Variants in KCNIP4 observed in about 807,000 individuals in gnomAD.
KCNIP4 encodes the protein potassium voltage-gated channel interacting protein 4, also known as Kv channel-interacting protein 4.
Under a neutral mutation model 34.0 loss-of-function variants are expected in KCNIP4, and 12 were observed. The observed-to-expected ratio is 0.35, with a 90% CI of 0.23 to 0.57. The LOEUF (loss-of-function observed/expected upper bound fraction) is 0.57. Ranked by LOEUF, KCNIP4 falls within the 20% of genes least tolerant of loss-of-function variation. KCNIP4 has a pLI of 0.83. For synonymous variants in KCNIP4, 124 were observed against 102.2 expected, an observed-to-expected ratio of 1.21 and a Z score of -1.29; for missense variants, 238 against 311.7, an observed-to-expected ratio of 0.76 and a Z score of 1.78.
intron 1 of KCNIP4, among the ~76,000 whole-genome samples, chr4:21,152,571 T>G (rs1174024122): frequency 1.3e-5 from 2 of 152,022 alleles, no homozygotes; most frequent in African/African-American, 4.8e-5. Flanking sequence ...ATATACTGTA[T>G]AGGCTTGTCT....
At chr4:20,901,479 C>T (rs1384058963) in intron 1 of KCNIP4, among the ~76,000 whole-genome samples, 2 of 152,132 alleles carry the variant, frequency 1.3e-5, no homozygotes, top group Admixed American at 6.5e-5. Flanking sequence ...TTGTGAAAAG[C>T]ATTATCTACA....
chr4:20,973,613 G>A (rs553357930), intron 1 of KCNIP4, among the ~76,000 whole-genome samples: 1 of 152,336 alleles, frequency 6.6e-6, no homozygotes, highest in South Asian at 2.1e-4. Context: ...TGTTTGGCCA[G>A]TCTTGACTTT....
intron 1 of KCNIP4, among the ~76,000 whole-genome samples, chr4:21,313,460 A>G (rs1397892839): frequency 6.6e-6 from 1 of 152,246 alleles, no homozygotes; most frequent in Non-Finnish European, 1.5e-5. Flanking sequence ...TAGTTTAATT[A>G]CTAACAATTC....
chr4:21,684,266 T>G (rs893509541), intron 1 of KCNIP4, among the ~76,000 whole-genome samples: 7 of 152,318 alleles, frequency 4.6e-5, no homozygotes, highest in Non-Finnish European at 8.8e-5. Flanking sequence ...TGATTTCACA[T>G]TTCCCATGAC....
At chr4:21,099,613 TAA>T (rs1747764407) in intron 1 of KCNIP4, among the ~76,000 whole-genome samples, 1 of 151,984 alleles carries the variant, frequency 6.6e-6, no homozygotes, top group Non-Finnish European at 1.5e-5. Flanking sequence ...CCATGGAACT[TAA>T]AAAAGTTGAG....
At chr4:20,921,441 T>C (rs892321889) in intron 1 of KCNIP4, among the ~76,000 whole-genome samples, 4 of 152,168 alleles carry the variant, frequency 2.6e-5, no homozygotes, top group East Asian at 1.9e-4. Context: ...CTCTGTAAAA[T>C]AGGTAGATAT....
At chr4:21,427,841 C>T (rs560589403) in intron 1 of KCNIP4, among the ~76,000 whole-genome samples, 163 of 152,236 alleles carry the variant, frequency 1.1e-3, no homozygotes, top group Non-Finnish European at 1.9e-3. Context: ...CAGCCAGAAA[C>T]CATCATAGCC....
chr4:21,141,438 T>G (rs1220885407), intron 1 of KCNIP4, among the ~76,000 whole-genome samples: 1 of 152,232 alleles, frequency 6.6e-6, no homozygotes, highest in Non-Finnish European at 1.5e-5. Flanking sequence ...AATTATTTCT[T>G]TTGAATGTTA....
chr4:21,126,673 A>C (rs749365689), intron 1 of KCNIP4, among the ~76,000 whole-genome samples: 3 of 150,778 alleles, frequency 2.0e-5, no homozygotes, highest in Admixed American at 6.6e-5. Context: ...TTTCCAATTT[A>C]GTGAAGAGAA....
At chr4:21,503,126 TTTTTA>T (rs1733502263) in intron 1 of KCNIP4, among the ~76,000 whole-genome samples, 1 of 152,176 alleles carries the variant, frequency 6.6e-6, no homozygotes, top group Non-Finnish European at 1.5e-5. Flanking sequence ...CTATACTTCA[TTTTTA>T]TAAAGAATAT....
Position 21,594,024 on chromosome 4 carries a change from G to GTAGGAAATGGAGC in KCNIP4, c.61+354534_61+354546dup, listed in dbSNP as rs1239063580. ...AGTATACCTTGGGGCCTGCATGTAT[G>GTAGGAAATGGAGC]TAGGAAATGGAGCTAGGAAATGAGA... On this transcript the variant is annotated intron_variant, in intron 1 of 8. Transcript: ENST00000382152. Among the ~76,000 whole-genome samples, 6 of 152,162 alleles carry GTAGGAAATGGAGC rather than the reference G, an allele frequency of 3.9e-5. No individual in the cohort carries two copies. The East Asian group carries it at 1.2e-3, about 29-fold the overall frequency.
At chr4:21,775,773 C>A (rs1719131214) in intron 1 of KCNIP4, among the ~76,000 whole-genome samples, 1 of 152,210 alleles carries the variant, frequency 6.6e-6, no homozygotes, top group Non-Finnish European at 1.5e-5. Context: ...TGGGGACAAG[C>A]CTTGGGACCA....
intron 1 of KCNIP4, among the ~76,000 whole-genome samples, chr4:21,055,493 A>C (rs1176803172): frequency 6.6e-6 from 1 of 152,224 alleles, no homozygotes; most frequent in African/African-American, 2.4e-5. Context: ...GTTTGTTCAT[A>C]ATTGCTAAAA....
At chr4:21,476,619 T>C (rs1356264066) in intron 1 of KCNIP4, among the ~76,000 whole-genome samples, 1 of 152,170 alleles carries the variant, frequency 6.6e-6, no homozygotes, top group Admixed American at 6.5e-5. Flanking sequence ...TAGCCTGTGG[T>C]ATTTCTTTAC....
At chr4:20,740,614 A>C (rs112097075) in intron 5 of KCNIP4, among the ~76,000 whole-genome samples, 115 of 152,362 alleles carry the variant, frequency 7.5e-4, no homozygotes, top group African/African-American at 2.7e-3. Context: ...CAGCCACTGC[A>C]AAAACATGCC....
rs151072152 is a variant in KCNIP4, at chr4:20,919,432, G to A, written c.62-36723C>T. ...TAAAAAAAAAAGATAGATCGGGCGC[G>A]GTGGCTCATGCCTGTAATCCCAGCA... On this transcript the variant is annotated intron_variant, in intron 1 of 8. Transcript: ENST00000382152. Among the ~76,000 whole-genome samples the A allele has an allele frequency of 3.2e-4, 49 of 151,508 alleles. No homozygotes were observed. The East Asian group carries it at 9.3e-3, about 29-fold the overall frequency.
intron 1 of KCNIP4, among the ~76,000 whole-genome samples, chr4:21,902,361 T>C (rs1727751172): frequency 6.6e-6 from 1 of 152,150 alleles, no homozygotes; most frequent in African/African-American, 2.4e-5. Context: ...TTTGTCCTTA[T>C]GGCTCTTACA....
chr4:20,916,246 C>A, intron 1 of KCNIP4: 1 of 831,206 alleles, frequency 1.2e-6, no homozygotes, highest in Non-Finnish European at 1.5e-6. Flanking sequence ...ATTTCTGCCC[C>A]AAAGAGCTCT....
intron 1 of KCNIP4, among the ~76,000 whole-genome samples, chr4:21,820,959 A>G (rs1179714873): frequency 6.6e-6 from 1 of 152,160 alleles, no homozygotes; most frequent in Non-Finnish European, 1.5e-5. Flanking sequence ...ACTGATAACT[A>G]TCAGGCATAT....
Sources: gnomAD v4.1 joint callset for allele counts (sites outside exome capture counted in the v4.1 genomes callset) on GRCh38, gnomAD v4.1.1 for gene constraint, MANE v1.5 for transcripts, NCBI Gene and HGNC (gene_info 2026-07-23, HGNC 2026-07-21) for gene names.